Variants in MATN2 observed in about 807,000 individuals in gnomAD.
MATN2 encodes the protein matrilin-2.
In MATN2, 69 loss-of-function variants were observed where a neutral mutation model predicts 103.2. The observed-to-expected ratio is 0.67, with a 90% CI of 0.55 to 0.82. MATN2 has a LOEUF of 0.82. Ranked by LOEUF, MATN2 falls within the 40% of genes least tolerant of loss-of-function variation. The pLI, the probability that MATN2 is intolerant of heterozygous loss-of-function variation, is 0.00. For synonymous variants in MATN2, 429 were observed against 450.2 expected (o/e 0.95, Z 0.60); for missense variants, 1,023 against 1,211.5 (o/e 0.84, Z 2.31).
intron 2 of MATN2, among the ~76,000 whole-genome samples, chr8:97,923,293 A>G (rs1209735844): frequency 6.6e-6 from 1 of 151,944 alleles, no homozygotes; most frequent in Non-Finnish European, 1.5e-5. Context: ...GGAAATTTTA[A>G]TCATGTTTTT....
chr8:98,017,929 C>A (rs956944511), intron 11 of MATN2, 65 bp from the exon 12 acceptor site: 1 of 1,590,080 alleles, frequency 6.3e-7, no homozygotes, highest in Non-Finnish European at 8.6e-7. Flanking sequence ...GATGGGTCCT[C>A]CAAGGTGAAG....
At chr8:97,913,695 A>T (rs528864555) in intron 2 of MATN2, among the ~76,000 whole-genome samples, 2 of 124,748 alleles carry the variant, frequency 1.6e-5, no homozygotes, top group African/African-American at 6.1e-5. Flanking sequence ...GCTCACTGCA[A>T]CCTCTGCCTC....
chr8:98,033,842 C>T, intron 18 of MATN2, 183 bp downstream of exon 18: 1 of 557,010 alleles, frequency 1.8e-6, no homozygotes, highest in Non-Finnish European at 3.2e-6. Flanking sequence ...CAAGGGCAAG[C>T]CAAGCTTATT....
intron 6 of MATN2, among the ~76,000 whole-genome samples, chr8:97,983,358 G>T (rs559789197): frequency 1.3e-5 from 2 of 152,246 alleles, no homozygotes; most frequent in Non-Finnish European, 2.9e-5. Flanking sequence ...TCAAGTCCTT[G>T]CTTTCAGTTC....
intron 13 of MATN2, among the ~76,000 whole-genome samples, chr8:98,024,255 G>A (rs1356452323): frequency 1.3e-5 from 2 of 152,030 alleles, no homozygotes; most frequent in African/African-American, 2.4e-5. Flanking sequence ...CTTTAATCCC[G>A]GCACCTTGAG....
At chr8:97,952,874 T>G (rs1303228879) in intron 4 of MATN2, among the ~76,000 whole-genome samples, 2 of 150,776 alleles carry the variant, frequency 1.3e-5, no homozygotes, top group Admixed American at 1.3e-4. Flanking sequence ...TGGCCAGAGA[T>G]AAATTTTAGA....
intron 2 of MATN2, among the ~76,000 whole-genome samples, chr8:97,913,445 G>A (rs1026388749): frequency 5.3e-5 from 8 of 151,452 alleles, no homozygotes; most frequent in Non-Finnish European, 1.0e-4. Flanking sequence ...CTCCCAAGTA[G>A]CTGGGATTAC....
At chr8:97,943,896 A>T (rs1810658257) in intron 4 of MATN2, among the ~76,000 whole-genome samples, 1 of 152,176 alleles carries the variant, frequency 6.6e-6, no homozygotes, top group Non-Finnish European at 1.5e-5. Context: ...AGCAAATAAA[A>T]AATAAAGTGT....
rs71570279 is a variant in MATN2, at chr8:97,988,189, T to TATATATATATACACACAC, written c.1082-6290_1082-6289insTATATATATACACACACA. On this transcript the variant is annotated intron_variant, in intron 6 of 18. Coordinates refer to ENST00000254898, the MANE Select transcript of MATN2 (RefSeq NM_002380.5). ...AAAAAAAAATATATATATATATATA[T>TATATATATATACACACAC]ACACACACACACATATGTATACACA... Among the ~76,000 whole-genome samples, 190 of 54,638 alleles carry TATATATATATACACACAC rather than the reference T, an allele frequency of 3.5e-3. 5 individuals carry two copies. Among genetic ancestry groups the TATATATATATACACACAC allele is most frequent in the South Asian group, 5.6e-3 (13 of 2,318 alleles). The allele number at this position is 54,638 out of a possible 152,430, so 35.8% of individuals were successfully genotyped here. A position where few individuals can be genotyped will look rare whatever the true frequency, so the allele number is the denominator to read the frequency against.
chr8:97,908,043 T>C (rs1000683316), intron 2 of MATN2, among the ~76,000 whole-genome samples: 1 of 152,034 alleles, frequency 6.6e-6, no homozygotes. Context: ...GGAGGTGCCT[T>C]GTGGTAAAAG....
chr8:98,008,997 A>G (rs1813069635), intron 10 of MATN2, among the ~76,000 whole-genome samples: 1 of 152,182 alleles, frequency 6.6e-6, no homozygotes, highest in Admixed American at 6.5e-5. Flanking sequence ...ACCACTTTTA[A>G]GTGTTGCCCA....
chr8:97,988,189 T>TATATATACAC lies in MATN2; in HGVS notation c.1082-6290_1082-6289insTATATACACA, dbSNP rs71570279. ...AAAAAAAAATATATATATATATATA[T>TATATATACAC]ACACACACACACATATGTATACACA... On this transcript the variant is annotated intron_variant, in intron 6 of 18. Transcript: ENST00000254898. 7.3e-5 allele frequency among the ~76,000 whole-genome samples: 4 copies of TATATATACAC among 54,962 alleles called. 1 individual carries two copies. The highest frequency in any genetic ancestry group is 3.1e-4 in the African/African-American group (4 of 12,868). The allele number at this position is 54,962 out of a possible 152,430, so 36.1% of individuals were successfully genotyped here. A position where few individuals can be genotyped will look rare whatever the true frequency, so the allele number is the denominator to read the frequency against.
At chr8:97,942,414 C>G (rs890277585) in intron 4 of MATN2, among the ~76,000 whole-genome samples, 2 of 152,142 alleles carry the variant, frequency 1.3e-5, no homozygotes, top group Admixed American at 1.3e-4. Flanking sequence ...AGGGGGTAAA[C>G]AGATGTAAGA....
rs374849493 is a variant in MATN2, at chr8:98,007,243, C to T, written c.1450+16C>T. On this transcript the variant is annotated intron_variant, in intron 9 of 18. Transcript: ENST00000254898. The surrounding 1 kb of genome is among the most constrained non-coding windows in gnomAD (Gnocchi z 4.2). ...ACCTGCTCCCGTGAGTCCCTCCGCG[C>T]TCCTCTCATAGGGGAAGGTTTGCAC... 1.9e-6 allele frequency: 3 copies of T among 1,613,508 alleles called. No individual in the cohort carries two copies. In the African/African-American group the frequency reaches 4.0e-5, roughly 22 times the overall value.
At chr8:97,875,222 A>C (rs1818030115) in intron 1 of MATN2, among the ~76,000 whole-genome samples, 1 of 152,154 alleles carries the variant, frequency 6.6e-6, no homozygotes, top group Non-Finnish European at 1.5e-5. Flanking sequence ...AGGAGTTCCA[A>C]ATAGTGTCCG....
intron 5 of MATN2, among the ~76,000 whole-genome samples, chr8:97,962,094 G>A (rs1383272183): frequency 6.6e-6 from 1 of 152,322 alleles, no homozygotes; most frequent in East Asian, 1.9e-4. Context: ...AGGCTCAAGG[G>A]CAGTGCTTGA....
chr8:98,023,404 C>G (rs980077005), intron 13 of MATN2, among the ~76,000 whole-genome samples: 5 of 152,202 alleles, frequency 3.3e-5, no homozygotes, highest in African/African-American at 1.2e-4. Context: ...GGTGTTGTGG[C>G]TCACACCTGT....
intron 5 of MATN2, among the ~76,000 whole-genome samples, chr8:97,970,850 G>A (rs1431887650): frequency 1.3e-5 from 2 of 152,106 alleles, no homozygotes; most frequent in Non-Finnish European, 2.9e-5. Context: ...ACTCAGGAGG[G>A]AAGATTGCTT....
At chr8:97,911,155 AT>A (rs60610346) in intron 2 of MATN2, among the ~76,000 whole-genome samples, 28 of 149,538 alleles carry the variant, frequency 1.9e-4, no homozygotes, top group Admixed American at 1.4e-3. Context: ...GGCCCAGCTA[AT>A]TTTTTTTTGT....
Sources: gnomAD v4.1 joint callset for allele counts (sites outside exome capture counted in the v4.1 genomes callset) on GRCh38, gnomAD v4.1.1 for gene constraint, Gnocchi (gnomAD v3.1) non-coding constraint, MANE v1.5 for transcripts, NCBI Gene and HGNC (gene_info 2026-07-23, HGNC 2026-07-21) for gene names.